The following ANKRD18A variants were observed in gnomAD, a reference collection of about 807,000 sequenced individuals.
ANKRD18A encodes the protein ankyrin repeat domain 18A, also known as ankyrin repeat domain-containing protein 18A.
In ANKRD18A, 72 loss-of-function variants were observed where a neutral mutation model predicts 110.6. The observed-to-expected ratio is 0.65, with a 90% CI of 0.54 to 0.79. The LOEUF (loss-of-function observed/expected upper bound fraction) is 0.79, where lower values mean the gene tolerates loss of function less well. ANKRD18A is among the 30% of genes least tolerant of loss of function. ANKRD18A has a pLI of 0.00. For synonymous variants in ANKRD18A, 305 were observed against 410.3 expected, an observed-to-expected ratio of 0.74 and a Z score of 3.10; for missense variants, 934 against 1,163.3, an observed-to-expected ratio of 0.80 and a Z score of 2.87.
chr9:38,610,306 G>T lies in ANKRD18A; in HGVS notation c.707C>A (p.Ala236Asp), dbSNP rs1268745182. Residue 236 changes from alanine to aspartate, a missense_variant, in exon 5 of 16, where the codon GCC (alanine) becomes GAC (aspartate). Ala to Asp is a moderately radical substitution (Grantham distance 126). This residue lies in a region of ANKRD18A where 630 missense variants were observed against 797.5 expected (regional missense o/e 0.79). Coordinates refer to ENST00000399703, the MANE Select transcript of ANKRD18A (RefSeq NM_147195.4). Reference sequence around the variant, plus strand: ...ATCAGAACAAAGAGCATAATCCTCGGCAGTTTGGCCAAACATGTCTTGAGA... The same window carrying T: ...ATCAGAACAAAGAGCATAATCCTCGTCAGTTTGGCCAAACATGTCTTGAGA... ...ISSQDMFGQT[A>D]EDYALCSDLR... The T allele has an allele frequency of 2.2e-5, 34 of 1,550,086 alleles. No homozygotes were observed. Among genetic ancestry groups the T allele is most frequent in the Non-Finnish European group, 2.8e-5 (32 of 1,146,462 alleles).
downstream of ANKRD18A, chr9:38,568,767 T>G: frequency 1.0e-6 from 1 of 985,334 alleles, no homozygotes; most frequent in Non-Finnish European, 1.2e-6. Context: ...GAAGGCTGAG[T>G]CCCCTGGGTG....
At chr9:38,618,387 C>A (rs898313734) in intron 1 of ANKRD18A, among the ~76,000 whole-genome samples, 1 of 152,176 alleles carries the variant, frequency 6.6e-6, no homozygotes, top group South Asian at 2.1e-4. Context: ...TCCTCACTGG[C>A]TGTAACAAAA....
At chr9:38,590,559 C>A (rs1305552361) in intron 10 of ANKRD18A, among the ~76,000 whole-genome samples, 1 of 152,132 alleles carries the variant, frequency 6.6e-6, no homozygotes, top group East Asian at 1.9e-4. Flanking sequence ...GCCCTTTTTT[C>A]TTTTATAATG....
chr9:38,604,310 A>C (rs1298137838), intron 6 of ANKRD18A: 1 of 152,088 alleles, frequency 6.6e-6, no homozygotes, highest in East Asian at 1.9e-4. Context: ...AGGAAAAAAA[A>C]ATTTACAAAA....
Position 38,620,339 on chromosome 9 carries a change from G to C in ANKRD18A, c.-54C>G, listed in dbSNP as rs944337965. On this transcript the variant is annotated 5_prime_UTR_variant, in exon 1 of 16. Coordinates refer to ENST00000399703, the MANE Select transcript of ANKRD18A (RefSeq NM_147195.4). ...CGCTCCTGAGCCGCGGCGGCTCCTC[G>C]TGGCCTTTCCACCCCCACTCCGCCC... 2.6e-6 allele frequency: 4 copies of C among 1,519,602 alleles called. No homozygotes were observed. Among genetic ancestry groups the C allele is most frequent in the Non-Finnish European group, 3.5e-6 (4 of 1,129,508 alleles). 94.1% of individuals were successfully genotyped at this position (1,519,602 alleles called of 1,614,324 possible).
chr9:38,605,182 G>A (rs1360388060), intron 6 of ANKRD18A, among the ~76,000 whole-genome samples: 1 of 152,118 alleles, frequency 6.6e-6, no homozygotes, highest in Non-Finnish European at 1.5e-5. Context: ...AATAACAGTG[G>A]TAATAACAAT....
chr9:38,615,512 G>A, intron 3 of ANKRD18A, 82 bp downstream of exon 3: 1 of 1,435,142 alleles, frequency 7.0e-7, no homozygotes, highest in Non-Finnish European at 9.2e-7. Context: ...AGGAATACTT[G>A]AGTTCCAAAT....
At chr9:38,575,726 A>C (rs1261083871) in intron 14 of ANKRD18A, 28 bp from the exon 15 acceptor site, 3 of 1,515,604 alleles carry the variant, frequency 2.0e-6, no homozygotes, top group East Asian at 4.9e-5. Flanking sequence ...ACAAATGCTT[A>C]GTATTTCATT....
At position 38,611,247 on chromosome 9, in the gene ANKRD18A, C is replaced by T; in HGVS notation, c.570G>A (p.Gln190=). 6.5e-7 allele frequency: 1 copy of T among 1,529,566 alleles called. No homozygotes were observed. The highest frequency in any genetic ancestry group is 8.8e-7 in the Non-Finnish European group (1 of 1,140,954). The allele number at this position is 1,529,566 out of a possible 1,614,324, so 94.7% of individuals were successfully genotyped here. A position where few individuals can be genotyped will look rare whatever the true frequency, so the allele number is the denominator to read the frequency against. The change falls in exon 4 of 16, where the codon CAG becomes CAA. Residue 190 remains glutamine, a synonymous_variant. Coordinates refer to ENST00000399703, the MANE Select transcript of ANKRD18A (RefSeq NM_147195.4). ...AATTGTCAACGGCATGTATATTTGC[C>T]TGGTTCTTCAATAAAAATTCCACCA... ...QHMVEFLLKN[Q]ANIHAVDNFK... is the part of the protein sequence containing the mutation.
chr9:38,616,040 C>T lies in ANKRD18A; in HGVS notation c.211G>A (p.Val71Ile). The T allele has an allele frequency of 6.3e-7, 1 of 1,581,204 alleles. No individual in the cohort carries two copies. Among genetic ancestry groups the T allele is most frequent in the Non-Finnish European group, 8.6e-7 (1 of 1,163,358 alleles). Reference sequence around the variant, plus strand: ...CCATGGGCACAGGCCAAATGTAGAACAGTCCTAGGAGAGCGAGAGGGGTTT... The same window carrying T: ...CCATGGGCACAGGCCAAATGTAGAATAGTCCTAGGAGAGCGAGAGGGGTTT... ...LDARDRKDRT[V>I]LHLACAHGRV... Residue 71 changes from valine (V) to isoleucine (I), a missense_variant, in exon 2 of 16, where the codon GTT becomes ATT. By Grantham distance (29) the Val-to-Ile change is conservative (BLOSUM62 3). Around this residue, in one of 4 missense-constraint regions of ANKRD18A, gnomAD observed 630 missense variants for 797.5 expected, o/e 0.79. Coordinates refer to ENST00000399703, the MANE Select transcript of ANKRD18A (RefSeq NM_147195.4).
chr9:38,591,023 T>C lies in ANKRD18A; in HGVS notation c.2005-2360A>G, dbSNP rs1288129176. 6.6e-5 allele frequency among the ~76,000 whole-genome samples: 10 copies of C among 152,086 alleles called. No homozygotes were observed. In the East Asian group the frequency reaches 1.7e-3, roughly 26 times the overall value. Reference sequence around the variant, plus strand: ...TTACCCAGGCTGGAGTGCAGTGGCTTGATCACCGCTCACTGCAGCCTTGAT... The same window carrying C: ...TTACCCAGGCTGGAGTGCAGTGGCTCGATCACCGCTCACTGCAGCCTTGAT... On this transcript the variant is annotated intron_variant, in intron 10 of 15. Coordinates refer to ENST00000399703, the MANE Select transcript of ANKRD18A (RefSeq NM_147195.4).
chr9:38,571,195 C>A (rs1402096877), downstream of ANKRD18A: 20 of 1,523,544 alleles, frequency 1.3e-5, no homozygotes, highest in Non-Finnish European at 1.7e-5. Flanking sequence ...CCTGTGCTTC[C>A]TTGGTGCTGC....
At chr9:38,573,548 C>T (rs1587479511) in intron 15 of ANKRD18A, among the ~76,000 whole-genome samples, 1 of 152,042 alleles carries the variant, frequency 6.6e-6, no homozygotes, top group Non-Finnish European at 1.5e-5. Flanking sequence ...AACCCTATCT[C>T]TACTAAAAAT....
intron 12 of ANKRD18A, among the ~76,000 whole-genome samples, chr9:38,584,643 A>G (rs1250965268): frequency 4.6e-5 from 7 of 152,222 alleles, no homozygotes; most frequent in East Asian, 1.9e-4. Flanking sequence ...ATCACTGGCC[A>G]GGGTTCAAGA....
At chr9:38,571,287 A>C (rs1303666191), downstream of ANKRD18A, 6 of 1,355,318 alleles carry the variant, frequency 4.4e-6, no homozygotes, top group African/African-American at 1.5e-5. Context: ...CAATTCAAAA[A>C]GACATAAAGT....
chr9:38,599,166 G>C (rs1450034727), intron 8 of ANKRD18A, among the ~76,000 whole-genome samples: 2 of 152,126 alleles, frequency 1.3e-5, no homozygotes, highest in South Asian at 2.1e-4. Flanking sequence ...ATTTTCATTT[G>C]AATAAAGCTT....
chr9:38,603,861 A>G (rs994322495), intron 6 of ANKRD18A, among the ~76,000 whole-genome samples: 9 of 152,206 alleles, frequency 5.9e-5, no homozygotes, highest in Non-Finnish European at 1.0e-4. Flanking sequence ...CTGGAGAATC[A>G]CAAATCTATG....
At chr9:38,592,193 G>C (rs1228144841) in intron 10 of ANKRD18A, among the ~76,000 whole-genome samples, 1 of 152,168 alleles carries the variant, frequency 6.6e-6, no homozygotes, top group Admixed American at 6.5e-5. Context: ...AAGATTTACT[G>C]TGTTAATGTC....
intron 6 of ANKRD18A, chr9:38,604,191 G>A (rs1321457167): frequency 6.0e-5 from 9 of 151,112 alleles, no homozygotes; most frequent in African/African-American, 1.5e-4. Context: ...CCAGCTCCTC[G>A]GGAGGCTGAG....
Sources: allele counts gnomAD v4.1 joint callset (sites outside exome capture counted in the v4.1 genomes callset), GRCh38; gene constraint gnomAD v4.1.1; regional missense constraint gnomAD v4.1.1; transcripts MANE v1.5; gene names NCBI Gene and HGNC (gene_info 2026-07-23, HGNC 2026-07-21).